Variants in PSMG2 observed in about 807,000 individuals in gnomAD.
PSMG2 encodes CD40 ligand-activated specific transcript 3.
A neutral mutation model predicts 31.5 loss-of-function variants in PSMG2; 21 were observed. The ratio of observed to expected loss-of-function variants is 0.67; its 90% confidence interval spans 0.47 to 0.96. PSMG2 has a LOEUF of 0.96. PSMG2 is among the 40% of genes least tolerant of loss of function. PSMG2 has a pLI of 0.00. For missense variants in PSMG2, 318 were observed against 321.2 expected (o/e 0.99, Z 0.08); for synonymous variants, 120 against 110.4 (o/e 1.09, Z -0.54).
intron 1 of PSMG2, among the ~76,000 whole-genome samples, chr18:12,689,780 G>A (rs1440924393): frequency 1.3e-5 from 2 of 149,794 alleles, no homozygotes; most frequent in Non-Finnish European, 3.0e-5. Flanking sequence ...ATATATATAT[G>A]TATATTTTTT....
intron 1 of PSMG2, among the ~76,000 whole-genome samples, chr18:12,689,820 C>T (rs886917947): frequency 2.6e-5 from 4 of 152,090 alleles, no homozygotes; most frequent in Non-Finnish European, 4.4e-5. Context: ...GACAGAGTCT[C>T]ACTCTGTTGC....
At chr18:12,680,691 G>A (rs771886830) in intron 1 of PSMG2, 2 of 1,610,304 alleles carry the variant, frequency 1.2e-6, no homozygotes, top group East Asian at 4.5e-5. Flanking sequence ...CCCAAAAAGT[G>A]ATGGCCCCAT....
chr18:12,706,596 T>C lies in PSMG2; in HGVS notation c.104T>C (p.Ile35Thr). 6.2e-7 allele frequency: 1 copy of C among 1,614,156 alleles called. No homozygotes were observed. Among genetic ancestry groups the C allele is most frequent in the East Asian group, 2.2e-5 (1 of 44,864 alleles). The stretch of plus-strand genomic sequence containing the variant: ...GTTGGCCAGCTTGCAATGGATCTGA[T>C]TATTTCTACACTGAATATGTCTAAG... ...GNVGQLAMDL[I>T]ISTLNMSKIG... Residue 35 changes from isoleucine to threonine, a missense_variant, in exon 2 of 7, where the codon ATT becomes ACT. By Grantham distance (89) the Ile-to-Thr change is moderately conservative. Transcript: ENST00000317615.
intron 1 of PSMG2, among the ~76,000 whole-genome samples, chr18:12,694,909 G>A (rs2039896053): frequency 6.6e-6 from 1 of 151,480 alleles, no homozygotes. Context: ...TAGAGGCGGG[G>A]TTTCACCGTG....
intron 1 of PSMG2, among the ~76,000 whole-genome samples, chr18:12,688,180 G>A (rs529733468): frequency 1.2e-4 from 18 of 145,654 alleles, no homozygotes; most frequent in African/African-American, 3.1e-4. Context: ...GCAGTGAGCC[G>A]AGATCGTGCC....
At chr18:12,716,654 A>C (rs1478714931) in intron 3 of PSMG2, among the ~76,000 whole-genome samples, 2 of 152,068 alleles carry the variant, frequency 1.3e-5, no homozygotes, top group African/African-American at 2.4e-5. Context: ...TCAGCCTCCC[A>C]AAGTGCTGGG....
rs758860221 is a variant in PSMG2, at chr18:12,720,627, C to T, written c.525C>T (p.Ser175=). Residue 175 remains serine, a synonymous_variant, in exon 5 of 7, where the codon TCC becomes TCT. Coordinates refer to ENST00000317615, the MANE Select transcript of PSMG2 (RefSeq NM_020232.5). The part of the protein sequence containing the change: ...KSRCIPEIDD[S]EFCIRIPGGG... ...GGTGCATTCCTGAAATAGATGATTC[C>T]GAGTTTTGTATCCGCATTCCGGGAG... 32 of 1,613,668 alleles carry T rather than the reference C, an allele frequency of 2.0e-5. No individual in the cohort carries two copies. Among genetic ancestry groups the T allele is most frequent in the South Asian group, 4.4e-5 (4 of 91,036 alleles).
intron 5 of PSMG2, among the ~76,000 whole-genome samples, chr18:12,723,194 CT>C (rs1442343591): frequency 3.3e-5 from 5 of 152,140 alleles, no homozygotes; most frequent in Admixed American, 3.3e-4. Context: ...CTGTAGCTCT[CT>C]TCTCTGTCAG....
intron 2 of PSMG2, among the ~76,000 whole-genome samples, chr18:12,711,792 T>C (rs1034300165): frequency 4.0e-5 from 6 of 149,364 alleles, no homozygotes; most frequent in Non-Finnish European, 7.4e-5. Context: ...CTTGTTCTGT[T>C]GCCCAAGCTG....
intron 1 of PSMG2, chr18:12,662,290 A>G (rs2038707519): frequency 2.6e-6 from 1 of 380,002 alleles, no homozygotes; most frequent in Admixed American, 3.4e-5. Context: ...TATACTTTCA[A>G]AATGTGCTCT....
chr18:12,689,498 A>C (rs2039670202), intron 1 of PSMG2, among the ~76,000 whole-genome samples: 1 of 152,214 alleles, frequency 6.6e-6, no homozygotes, highest in African/African-American at 2.4e-5. Context: ...GCCACTTGAC[A>C]ATCTTATATG....
chr18:12,725,163 T>C (rs9958100), intron 6 of PSMG2, among the ~76,000 whole-genome samples: 57,698 of 152,066 alleles, frequency 0.38, 11,487 homozygotes, highest in Non-Finnish European at 0.45. Flanking sequence ...AATCACATAA[T>C]GCTGATTTTT....
intron 1 of PSMG2, chr18:12,678,122 G>T: frequency 6.2e-7 from 1 of 1,611,354 alleles, no homozygotes; most frequent in South Asian, 1.1e-5. Flanking sequence ...CCTGTGTTCT[G>T]ACACCAGGAG....
intron 3 of PSMG2, among the ~76,000 whole-genome samples, chr18:12,716,616 G>A (rs1009641970): frequency 2.0e-5 from 3 of 151,782 alleles, no homozygotes; most frequent in Admixed American, 6.6e-5. Context: ...GGATGGTCTC[G>A]ATCTCCTGAC....
chr18:12,714,343 A>G (rs1224376365), intron 3 of PSMG2, among the ~76,000 whole-genome samples: 2 of 152,162 alleles, frequency 1.3e-5, no homozygotes, highest in East Asian at 3.9e-4. Flanking sequence ...CTGTGTTGTT[A>G]GACATTAAGC....
chr18:12,668,783 G>A (rs1598607205), intron 1 of PSMG2, among the ~76,000 whole-genome samples: 1 of 120,414 alleles, frequency 8.3e-6, no homozygotes. Flanking sequence ...CTGTCACCCA[G>A]GCTGGAGTGT....
chr18:12,678,217 T>C (rs370708558), intron 1 of PSMG2: 4 of 1,614,042 alleles, frequency 2.5e-6, no homozygotes, highest in Admixed American at 1.7e-5. Context: ...GAAGGGATGT[T>C]GTAGCTCCAG....
intron 1 of PSMG2, among the ~76,000 whole-genome samples, chr18:12,674,226 C>G (rs1450308324): frequency 6.6e-6 from 1 of 151,838 alleles, no homozygotes. Flanking sequence ...TGCTTGAGCC[C>G]AGGAGTTCAA....
intron 1 of PSMG2, among the ~76,000 whole-genome samples, chr18:12,693,676 A>G (rs1833326): frequency 0.16 from 24,603 of 151,968 alleles, 2,085 homozygotes; most frequent in Admixed American, 0.24. Context: ...CCAGCTACTC[A>G]GGAGACTGAG....
Sources: allele counts gnomAD v4.1 joint callset (sites outside exome capture counted in the v4.1 genomes callset), GRCh38; gene constraint gnomAD v4.1.1; transcripts MANE v1.5; gene names NCBI Gene and HGNC (gene_info 2026-07-23, HGNC 2026-07-21).